Variants in PARD3 observed in about 807,000 individuals in gnomAD.
PARD3 encodes the protein par-3 family cell polarity regulator.
Under a neutral mutation model 155.4 loss-of-function variants are expected in PARD3, and 75 were observed. The observed-to-expected ratio is 0.48, with a 90% CI of 0.40 to 0.58. The LOEUF (loss-of-function observed/expected upper bound fraction) is 0.58. Among genes scored for constraint, PARD3 ranks in the 20% least tolerant of loss-of-function variants. The pLI, the probability that PARD3 is intolerant of heterozygous loss-of-function variation, is 0.00. For synonymous variants in PARD3, 576 were observed against 610.5 expected (o/e 0.94, Z 0.83); for missense variants, 1,642 against 1,721.7 (o/e 0.95, Z 0.82).
intron 2 of PARD3, among the ~76,000 whole-genome samples, chr10:34,618,070 A>C (rs1291590029): frequency 6.6e-6 from 1 of 152,194 alleles, no homozygotes; most frequent in Admixed American, 6.5e-5. Flanking sequence ...GACCTTTCTA[A>C]ACTATAACCA....
At chr10:34,473,490 C>T (rs537311552) in intron 3 of PARD3, among the ~76,000 whole-genome samples, 2 of 151,488 alleles carry the variant, frequency 1.3e-5, no homozygotes, top group Non-Finnish European at 2.9e-5. Context: ...AGTTCAAGAC[C>T]AACTTGGGCA....
intron 21 of PARD3, among the ~76,000 whole-genome samples, chr10:34,275,277 C>T (rs2133884785): frequency 6.6e-6 from 1 of 152,310 alleles, no homozygotes; most frequent in Non-Finnish European, 1.5e-5. Context: ...TGCATCACTG[C>T]TTTCCAATGT....
intron 3 of PARD3, among the ~76,000 whole-genome samples, chr10:34,515,671 GAGA>G (rs1427933884): frequency 4.6e-5 from 7 of 152,142 alleles, no homozygotes; most frequent in Admixed American, 2.0e-4. Flanking sequence ...CAAGGGACAA[GAGA>G]AGCAGAAGTA....
At chr10:34,295,098 T>G (rs1956846760) in intron 20 of PARD3, among the ~76,000 whole-genome samples, 1 of 152,050 alleles carries the variant, frequency 6.6e-6, no homozygotes, top group Non-Finnish European at 1.5e-5. Context: ...AAAAAAAATG[T>G]CAATGGCTCT....
intron 2 of PARD3, among the ~76,000 whole-genome samples, chr10:34,694,628 A>C (rs2094132149): frequency 6.6e-6 from 1 of 151,414 alleles, no homozygotes; most frequent in Non-Finnish European, 1.5e-5. Context: ...CCGCCACCAC[A>C]GCCGGCTAAT....
chr10:34,125,243 T>C (rs2132721129), intron 23 of PARD3, among the ~76,000 whole-genome samples: 1 of 152,150 alleles, frequency 6.6e-6, no homozygotes, highest in South Asian at 2.1e-4. Context: ...ATTTTTGTAT[T>C]TTTAGTAGAG....
chr10:34,755,200 G>A (rs1246997257), intron 1 of PARD3, among the ~76,000 whole-genome samples: 3 of 151,048 alleles, frequency 2.0e-5, no homozygotes, highest in Non-Finnish European at 2.9e-5. Flanking sequence ...TCAGGAGCTC[G>A]AGACCAGTCT....
intron 1 of PARD3, among the ~76,000 whole-genome samples, chr10:34,729,175 A>C (rs1031436027): frequency 9.9e-5 from 15 of 152,192 alleles, no homozygotes; most frequent in African/African-American, 3.6e-4. Flanking sequence ...ATCCTCCTTA[A>C]GCGGCGCGTG....
intron 7 of PARD3, among the ~76,000 whole-genome samples, chr10:34,394,882 C>T (rs113113864): frequency 4.2e-4 from 64 of 151,662 alleles, no homozygotes; most frequent in African/African-American, 1.0e-3. Context: ...CTAAGCAGTA[C>T]CTATGGTCCT....
In PARD3 at chr10:34,292,901, C is replaced by T. The variant is rs1019744679; in HGVS notation, c.3066-8656G>A. ...TAATCAAGGATGCACTGATATGCCT[C>T]GTAACCTGACACTTCAGAAGTCCTA... On this transcript the variant is annotated intron_variant, in intron 20 of 24. Transcript: ENST00000374788. Among the ~76,000 whole-genome samples, 9 of 152,040 alleles carry T rather than the reference C, an allele frequency of 5.9e-5. No homozygotes were observed. The South Asian group carries it at 8.3e-4, about 14-fold the overall frequency.
intron 2 of PARD3, among the ~76,000 whole-genome samples, chr10:34,627,338 T>G (rs539404572): frequency 4.6e-5 from 7 of 152,182 alleles, no homozygotes; most frequent in African/African-American, 1.7e-4. Context: ...GCCCATCTAT[T>G]ATGAACTGAA....
At chr10:34,653,307 CTGACTCACATCA>C (rs892784866) in intron 2 of PARD3, among the ~76,000 whole-genome samples, 2 of 152,162 alleles carry the variant, frequency 1.3e-5, no homozygotes, top group African/African-American at 4.8e-5. Context: ...TCTAGAGCCC[CTGACTCACATCA>C]TGCTCTCTTA....
chr10:34,271,931 G>C (rs1351166871), intron 21 of PARD3, among the ~76,000 whole-genome samples: 3 of 152,152 alleles, frequency 2.0e-5, no homozygotes, highest in African/African-American at 7.2e-5. Context: ...AAAATGCAAT[G>C]CTATTTATAA....
chr10:34,284,278 A>G (rs1956286810), intron 20 of PARD3, 33 bp from the exon 21 acceptor site: 1 of 1,233,928 alleles, frequency 8.1e-7, no homozygotes, highest in East Asian at 2.3e-5. Context: ...ACTTGTCAAT[A>G]TATACAAAAT....
chr10:34,303,162 A>ATTTTTTTTTTTTTTTTTTTTTTT (rs5784409), intron 20 of PARD3, among the ~76,000 whole-genome samples: 1 of 132,002 alleles, frequency 7.6e-6, no homozygotes, highest in African/African-American at 3.0e-5. Context: ...GCCCAGGTGA[A>ATTTTTTTTTTTTTTTTTTTTTTT]TTTTTTTTTT....
chr10:34,210,493 G>A (rs1385950945), intron 22 of PARD3, among the ~76,000 whole-genome samples: 1 of 152,142 alleles, frequency 6.6e-6, no homozygotes, highest in Non-Finnish European at 1.5e-5. Flanking sequence ...GGCCTGTGGA[G>A]TATACGTAAC....
intron 2 of PARD3, among the ~76,000 whole-genome samples, chr10:34,660,026 A>G (rs1337601056): frequency 1.3e-5 from 2 of 152,244 alleles, no homozygotes; most frequent in African/African-American, 4.8e-5. Context: ...AATTTATTTA[A>G]CTTTGTGGAA....
chr10:34,473,056 T>A (rs564858793), intron 3 of PARD3, among the ~76,000 whole-genome samples: 308 of 152,230 alleles, frequency 2.0e-3, no homozygotes, highest in Middle Eastern at 6.8e-3. Flanking sequence ...CAGAGGGAGC[T>A]CCAGGCCCTG....
At chr10:34,647,480 G>T (rs538215622) in intron 2 of PARD3, among the ~76,000 whole-genome samples, 77 of 152,230 alleles carry the variant, frequency 5.1e-4, no homozygotes, top group Middle Eastern at 3.4e-3. Context: ...TAGTACCAGG[G>T]CAGTAACAAC....
Sources: gnomAD v4.1 joint callset for allele counts (sites outside exome capture counted in the v4.1 genomes callset) on GRCh38, gnomAD v4.1.1 for gene constraint, MANE v1.5 for transcripts, NCBI Gene and HGNC (gene_info 2026-07-23, HGNC 2026-07-21) for gene names.